KTN1: variants seen among roughly 807,000 people sequenced by gnomAD.
The protein encoded by KTN1 is kinectin.
A neutral mutation model predicts 222.5 loss-of-function variants in KTN1; 130 were observed. The ratio of observed to expected loss-of-function variants is 0.58; its 90% confidence interval spans 0.51 to 0.68. The LOEUF (loss-of-function observed/expected upper bound fraction) is 0.68. KTN1 is among the 30% of genes least tolerant of loss of function. The pLI, the probability that KTN1 is intolerant of heterozygous loss-of-function variation, is 0.00. For missense variants in KTN1, 1,508 were observed against 1,500.4 expected (o/e 1.01, Z -0.08); for synonymous variants, 512 against 496.3 (o/e 1.03, Z -0.42).
intron 29 of KTN1, 65 bp from the exon 30 acceptor site, chr14:55,658,481 G>A: frequency 1.1e-6 from 1 of 930,208 alleles, no homozygotes; most frequent in Admixed American, 1.8e-5. Flanking sequence ...TTTCTAGCTT[G>A]TATGATCTAA....
intron 5 of KTN1, among the ~76,000 whole-genome samples, chr14:55,621,187 G>A (rs1041281067): frequency 6.6e-6 from 1 of 152,052 alleles, no homozygotes; most frequent in African/African-American, 2.4e-5. Context: ...ACCTCATCCT[G>A]GATTTCATTG....
chr14:55,616,220 G>A (rs2038371709), intron 2 of KTN1, among the ~76,000 whole-genome samples: 1 of 152,136 alleles, frequency 6.6e-6, no homozygotes, highest in Admixed American at 6.5e-5. Flanking sequence ...AAAGTGCTGG[G>A]ATTACAGGTG....
rs945786255 is a variant in KTN1, at chr14:55,633,610, A to G, written c.1328+269A>G. 4.6e-5 allele frequency among the ~76,000 whole-genome samples: 7 copies of G among 151,800 alleles called. No homozygotes were observed. The South Asian group carries it at 6.2e-4, about 14-fold the overall frequency. On this transcript the variant is annotated intron_variant, in intron 8 of 43. Transcript: ENST00000395314. The stretch of plus-strand genomic sequence containing the variant: ...TCATATATTACATATTTATATAAAC[A>G]TGTATGTGTATATTGTATATAAACT...
At chr14:55,664,798 A>G (rs1183171643) in intron 33 of KTN1, among the ~76,000 whole-genome samples, 1 of 152,110 alleles carries the variant, frequency 6.6e-6, no homozygotes, top group Non-Finnish European at 1.5e-5. Context: ...AGTCCAGTTA[A>G]GTATTTTGAA....
chr14:55,596,195 G>C (rs1181510375), intron 1 of KTN1, among the ~76,000 whole-genome samples: 1 of 140,926 alleles, frequency 7.1e-6, no homozygotes, highest in African/African-American at 2.6e-5. Flanking sequence ...ATAAATAAAT[G>C]GTTTATAGTG....
intron 1 of KTN1, among the ~76,000 whole-genome samples, chr14:55,584,777 T>G (rs1055285101): frequency 6.6e-6 from 1 of 152,166 alleles, no homozygotes; most frequent in Admixed American, 6.5e-5. Context: ...TGATGACTCT[T>G]TAAGAGTTCA....
chr14:55,587,867 A>G (rs2033344845), intron 1 of KTN1, among the ~76,000 whole-genome samples: 1 of 152,172 alleles, frequency 6.6e-6, no homozygotes, highest in Non-Finnish European at 1.5e-5. Context: ...TGTAATTTTA[A>G]GTTTAAATTG....
chr14:55,675,903 T>A lies in KTN1; in HGVS notation c.3840T>A (p.Ala1280=). Residue 1280 remains alanine (A), a synonymous_variant, in exon 41 of 44, where the codon GCT becomes GCA. Coordinates refer to ENST00000395314, the MANE Select transcript of KTN1 (RefSeq NM_001079521.2). ...AACAAAATGAAAGACAGAAGGTAGC[T>A]GGTGATTTGCATAAGGTAGGCACTG... is the stretch of plus-strand genomic sequence containing the variant. The part of the protein sequence containing the change: ...RTEQNERQKV[A]GDLHKAQQSL... 1 of 1,612,734 alleles carries A rather than the reference T, an allele frequency of 6.2e-7. No individual in the cohort carries two copies. Among genetic ancestry groups the A allele is most frequent in the Non-Finnish European group, 8.5e-7 (1 of 1,178,818 alleles).
At chr14:55,647,633 CAAAAAAAA>C in intron 19 of KTN1, among the ~76,000 whole-genome samples, 1 of 33,014 alleles carries the variant, frequency 3.0e-5, no homozygotes, top group East Asian at 1.0e-3. Context: ...AACTCTGCCT[CAAAAAAAA>C]AAAAAAAAAA....
chr14:55,626,804 A>AC (rs1481844332), intron 5 of KTN1, among the ~76,000 whole-genome samples: 1 of 151,900 alleles, frequency 6.6e-6, no homozygotes, highest in Non-Finnish European at 1.5e-5. Flanking sequence ...TGACTGCCTC[A>AC]CTGGCTAGTT....
intron 17 of KTN1, 37 bp downstream of exon 17, chr14:55,641,245 A>G (rs1434310463): frequency 8.3e-7 from 1 of 1,198,720 alleles, no homozygotes; most frequent in Non-Finnish European, 1.2e-6. Flanking sequence ...GTTTCTTAGA[A>G]CAACCTTGTA....
At chr14:55,659,307 G>GGTTTT (rs1193826096) in intron 30 of KTN1, among the ~76,000 whole-genome samples, 1 of 120,648 alleles carries the variant, frequency 8.3e-6, no homozygotes. Flanking sequence ...TTTGATTTCT[G>GGTTTT]TTTTTTTTTT....
At chr14:55,668,944 C>G (rs2045172643) in intron 34 of KTN1, 1 of 152,074 alleles carries the variant, frequency 6.6e-6, no homozygotes, top group African/African-American at 2.4e-5. Context: ...TAGGAGATCT[C>G]TACCACTTTT....
chr14:55,640,917 C>G lies in KTN1; in HGVS notation c.1984-16C>G. ...TCCTGTGAAGTGATATCATTTTCTT[C>G]TCATTCCACACACAGGCTGCTGCTG... On this transcript the variant is annotated splice_polypyrimidine_tract_variant and intron_variant, in intron 15 of 43. Coordinates refer to ENST00000395314, the MANE Select transcript of KTN1 (RefSeq NM_001079521.2). The G allele has an allele frequency of 6.2e-7, 1 of 1,609,652 alleles. No individual in the cohort carries two copies. Among genetic ancestry groups the G allele is most frequent in the Non-Finnish European group, 8.5e-7 (1 of 1,177,000 alleles).
intron 18 of KTN1, chr14:55,644,509 CA>C (rs1390359540): frequency 6.4e-6 from 4 of 626,200 alleles, no homozygotes; most frequent in Non-Finnish European, 1.2e-5. Context: ...TGCAGATGGT[CA>C]GATAATGCAA....
At chr14:55,629,330 A>T (rs1330180694) in intron 6 of KTN1, among the ~76,000 whole-genome samples, 1 of 146,554 alleles carries the variant, frequency 6.8e-6, no homozygotes, top group East Asian at 2.2e-4. Context: ...AGGCAGGAGA[A>T]TGGTGTGAAT....
chr14:55,597,596 G>T (rs2035265452), intron 1 of KTN1, among the ~76,000 whole-genome samples: 1 of 152,200 alleles, frequency 6.6e-6, no homozygotes, highest in South Asian at 2.1e-4. Context: ...GTTCATACCT[G>T]TAATCCCAGC....
chr14:55,637,716 G>A, intron 11 of KTN1, 63 bp from the exon 12 acceptor site: 2 of 1,148,198 alleles, frequency 1.7e-6, no homozygotes, highest in Non-Finnish European at 2.6e-6. Flanking sequence ...AATACATTGT[G>A]TTCATATACA....
intron 1 of KTN1, among the ~76,000 whole-genome samples, chr14:55,599,012 T>C (rs536640953): frequency 6.6e-6 from 1 of 152,292 alleles, no homozygotes; most frequent in East Asian, 1.9e-4. Flanking sequence ...TTCCCTTATG[T>C]ATAATTTTTT....
Sources: allele counts gnomAD v4.1 joint callset (sites outside exome capture counted in the v4.1 genomes callset), GRCh38; gene constraint gnomAD v4.1.1; transcripts MANE v1.5; gene names NCBI Gene and HGNC (gene_info 2026-07-23, HGNC 2026-07-21).